Variants in COL4A4 observed in about 807,000 individuals in gnomAD.
COL4A4 encodes the protein collagen alpha-4(IV) chain.
COL4A4 carries 105 observed loss-of-function variants against 192.9 expected under a neutral mutation model. The observed-to-expected ratio is 0.54, with a 90% CI of 0.46 to 0.64. COL4A4 has a LOEUF of 0.64. COL4A4 is among the 30% of genes least tolerant of loss of function. COL4A4 has a pLI of 0.00. For synonymous variants in COL4A4, 762 were observed against 769.9 expected (o/e 0.99, Z 0.17); for missense variants, 1,967 against 2,169.3 (o/e 0.91, Z 1.85).
intron 30 of COL4A4, 88 bp from the exon 31 acceptor site, chr2:227,054,825 T>A (rs1974941080): frequency 7.0e-7 from 1 of 1,428,736 alleles, no homozygotes; most frequent in South Asian, 1.2e-5. Context: ...AGTCTCACTC[T>A]GTCACCCAGG....
rs769746464 is a variant in COL4A4, at chr2:227,007,428, G to C, written c.4970C>G (p.Ala1657Gly). ...KYSFWLTTVK[A>G]DLQFSSAPAP... ...TGGAGCAGAGGAAAACTGCAAGTCTGCTTTCACCGTTGTGAGCCAGAAGCT... is the reference window on the plus strand; with the variant it reads ...TGGAGCAGAGGAAAACTGCAAGTCTCCTTTCACCGTTGTGAGCCAGAAGCT... Residue 1657 changes from alanine (A) to glycine (G), a missense_variant, in exon 48 of 48, where the codon GCA becomes GGA. Ala to Gly is a moderately conservative substitution (Grantham distance 60). Transcript: ENST00000396625. 1 of 1,614,228 alleles carries C rather than the reference G, an allele frequency of 6.2e-7. No individual in the cohort carries two copies. The highest frequency in any genetic ancestry group is 1.7e-5 in the Admixed American group (1 of 60,028).
intron 4 of COL4A4, among the ~76,000 whole-genome samples, chr2:227,122,949 C>T (rs973056190): frequency 6.6e-5 from 10 of 152,240 alleles, no homozygotes; most frequent in Non-Finnish European, 1.5e-4. Context: ...ACTGCAGCCT[C>T]CACCTCCCGA....
intron 43 of COL4A4, 195 bp from the exon 44 acceptor site, chr2:227,022,368 C>G: frequency 1.2e-6 from 1 of 820,756 alleles, no homozygotes; most frequent in Non-Finnish European, 2.2e-6. Flanking sequence ...TTGTCTTATG[C>G]CCTGGAGGGT....
chr2:227,123,950 G>A lies in COL4A4; in HGVS notation c.193-2802C>T, dbSNP rs2125072339. ...CTTGGGTATGTTTCTTAACCTCTCT[G>A]TTCCTTGGCATCTTTATCTGTCAAT... On this transcript the variant is annotated intron_variant, in intron 4 of 47. Transcript: ENST00000396625. This position sits in a 1 kb window ranked among gnomAD's most constrained non-coding sequence, Gnocchi z 4.6. 6.6e-6 allele frequency among the ~76,000 whole-genome samples: 1 copy of A among 152,262 alleles called. No individual in the cohort carries two copies. Among genetic ancestry groups the A allele is most frequent in the South Asian group, 2.1e-4 (1 of 4,816 alleles).
At chr2:227,090,687 G>C (rs2059868958) in intron 20 of COL4A4, among the ~76,000 whole-genome samples, 1 of 151,956 alleles carries the variant, frequency 6.6e-6, no homozygotes, top group African/African-American at 2.4e-5. Context: ...GGGAGGCAGA[G>C]GTTGCAGTGA....
chr2:227,104,018 G>A lies in COL4A4; in HGVS notation c.770C>T (p.Thr257Ile). The change falls in exon 13 of 48, where the codon ACC (threonine) becomes ATC (isoleucine). Residue 257 changes from threonine to isoleucine, a missense_variant. Physicochemically the swap from Thr to Ile is moderately conservative, Grantham distance 89. Coordinates refer to ENST00000396625, the MANE Select transcript of COL4A4 (RefSeq NM_000092.5). Reference protein sequence around the residue: ...EVGQQGSPGPTLLVEPPDFCL... With the variant: ...EVGQQGSPGPILLVEPPDFCL... ...AAAGTCAGGTGGCTCTACCAACAGG[G>A]TGGGTCCAGGAGAACCTTGCTGACC... is the stretch of plus-strand genomic sequence containing the variant. 6.2e-7 allele frequency: 1 copy of A among 1,613,328 alleles called. No individual in the cohort carries two copies.
chr2:227,095,328 T>G (rs936224633), intron 19 of COL4A4, among the ~76,000 whole-genome samples: 11 of 152,180 alleles, frequency 7.2e-5, no homozygotes, highest in Non-Finnish European at 1.3e-4. Context: ...AGGATGGAGG[T>G]ACCAGATTTC....
At chr2:226,987,604 A>G in the COL4A4 span, among the ~76,000 whole-genome samples, 1 of 152,070 alleles carries the variant, frequency 6.6e-6, no homozygotes, top group Non-Finnish European at 1.5e-5. Context: ...AATCATGGAC[A>G]CTCGAACCTC....
At chr2:226,974,539 G>C in the COL4A4 span, among the ~76,000 whole-genome samples, 1 of 152,104 alleles carries the variant, frequency 6.6e-6, no homozygotes, top group Non-Finnish European at 1.5e-5. Context: ...GCCCGGCCTG[G>C]GTGTTGCTCT....
chr2:227,062,266 G>A (rs915655100), intron 26 of COL4A4, among the ~76,000 whole-genome samples: 2 of 151,630 alleles, frequency 1.3e-5, no homozygotes, highest in Non-Finnish European at 2.9e-5. Context: ...TCAAGGGACA[G>A]ACATTTTAAC....
At chr2:227,019,859 G>T (rs887621969) in intron 44 of COL4A4, among the ~76,000 whole-genome samples, 1 of 152,278 alleles carries the variant, frequency 6.6e-6, no homozygotes, top group African/African-American at 2.4e-5. Context: ...TAGAGACGGG[G>T]TTTTACCATG....
chr2:227,123,786 G>A lies in COL4A4; in HGVS notation c.193-2638C>T, dbSNP rs1326890559. ...TGTGGGACCCCAAAAGCACGTGCAA[G>A]CTGCCAGCAAAGTCCATCTGTTCAG... On this transcript the variant is annotated intron_variant, in intron 4 of 47. Transcript: ENST00000396625. This position sits in a 1 kb window ranked among gnomAD's most constrained non-coding sequence, Gnocchi z 4.6. Among the ~76,000 whole-genome samples the A allele has an allele frequency of 1.3e-5, 2 of 152,178 alleles. No individual in the cohort carries two copies. Among genetic ancestry groups the A allele is most frequent in the East Asian group, 1.9e-4 (1 of 5,192 alleles).
At chr2:227,104,828 C>T (rs1311641593) in intron 12 of COL4A4, among the ~76,000 whole-genome samples, 3 of 150,886 alleles carry the variant, frequency 2.0e-5, no homozygotes, top group African/African-American at 7.3e-5. Context: ...TTAGTAGAGA[C>T]GGGGGTTTCT....
At chr2:227,108,559 C>T in intron 12 of COL4A4, 22 bp downstream of exon 12, 1 of 1,610,810 alleles carries the variant, frequency 6.2e-7, no homozygotes, top group Non-Finnish European at 8.5e-7. Flanking sequence ...ATCTGCTCCT[C>T]AGAGCAAGAG....
At chr2:227,153,710 A>C (rs1286920389) in intron 1 of COL4A4, among the ~76,000 whole-genome samples, 1 of 152,186 alleles carries the variant, frequency 6.6e-6, no homozygotes, top group South Asian at 2.1e-4. Context: ...TGACCGTAGA[A>C]TTGGACATTA....
In COL4A4 at chr2:227,010,364, A is replaced by G. The variant is rs771902480; in HGVS notation, c.4471T>C (p.Tyr1491His). The G allele has an allele frequency of 6.2e-7, 1 of 1,614,116 alleles. No homozygotes were observed. Among genetic ancestry groups the G allele is most frequent in the African/African-American group, 1.3e-5 (1 of 75,018 alleles). Residue 1491 changes from tyrosine to histidine, a missense_variant, in exon 46 of 48, where the codon TAT (tyrosine) becomes CAT (histidine). Transcript: ENST00000396625. ...TGCCCTTCCAGGTATAACAGACTATACCCAGTCCAGAGCCTGGGCATGCCC... is the reference window on the plus strand; with the variant it reads ...TGCCCTTCCAGGTATAACAGACTATGCCCAGTCCAGAGCCTGGGCATGCCC... Reference protein sequence around the residue: ...PLGMPRLWTGYSLLYLEGQEK... With the variant: ...PLGMPRLWTGHSLLYLEGQEK...
the COL4A4 span, among the ~76,000 whole-genome samples, chr2:226,973,515 A>G: frequency 3.9e-5 from 6 of 152,356 alleles, no homozygotes; most frequent in East Asian, 3.9e-4. Context: ...GATCAAGAGC[A>G]AAGCTCTACT....
intron 4 of COL4A4, among the ~76,000 whole-genome samples, chr2:227,122,778 G>A (rs1205261754): frequency 1.3e-5 from 2 of 152,232 alleles, no homozygotes; most frequent in Non-Finnish European, 2.9e-5. Context: ...TAGAAGGTCA[G>A]AGAGCACCTT....
At chr2:227,152,458 T>A (rs939374702) in intron 1 of COL4A4, among the ~76,000 whole-genome samples, 2 of 152,244 alleles carry the variant, frequency 1.3e-5, no homozygotes, top group Admixed American at 1.3e-4. Context: ...TTGAATGAGC[T>A]GCTAAAGGTT....
Sources: gnomAD v4.1 joint callset for allele counts (sites outside exome capture counted in the v4.1 genomes callset) on GRCh38, gnomAD v4.1.1 for gene constraint, Gnocchi (gnomAD v3.1) non-coding constraint, MANE v1.5 for transcripts, NCBI Gene and HGNC (gene_info 2026-07-23, HGNC 2026-07-21) for gene names.